Variants in COL25A1 observed in about 807,000 individuals in gnomAD.
COL25A1 encodes collagen type XXV alpha 1 chain.
COL25A1 carries 103 observed loss-of-function variants against 128.4 expected under a neutral mutation model. The ratio of observed to expected loss-of-function variants is 0.80; its 90% CI spans 0.68 to 0.94. The LOEUF is 0.94. COL25A1 is among the 40% of genes least tolerant of loss of function. The pLI, the probability that COL25A1 is intolerant of heterozygous loss-of-function variation, is 0.00. For missense variants in COL25A1, 745 were observed against 840.0 expected, an observed-to-expected ratio of 0.89 and a Z score of 1.40; for synonymous variants, 279 against 277.2, an observed-to-expected ratio of 1.01 and a Z score of -0.06.
At chr4:108,964,533 G>T (rs889290152) in intron 8 of COL25A1, among the ~76,000 whole-genome samples, 1 of 151,824 alleles carries the variant, frequency 6.6e-6, no homozygotes, top group Non-Finnish European at 1.5e-5. Flanking sequence ...CATAATATAG[G>T]TAGAGCCATT....
chr4:108,993,837 G>A (rs550084075), intron 6 of COL25A1, among the ~76,000 whole-genome samples: 6 of 147,532 alleles, frequency 4.1e-5, no homozygotes, highest in Admixed American at 2.7e-4. Context: ...TCCAGCCTGG[G>A]CAGTAAGAGT....
At chr4:108,877,224 C>T (rs1456964646) in intron 19 of COL25A1, among the ~76,000 whole-genome samples, 1 of 152,166 alleles carries the variant, frequency 6.6e-6, no homozygotes, top group Admixed American at 6.5e-5. Context: ...CTTCACATGA[C>T]CAACTACGGA....
chr4:108,866,463 G>C (rs368797658), intron 20 of COL25A1, among the ~76,000 whole-genome samples: 2 of 152,158 alleles, frequency 1.3e-5, no homozygotes, highest in East Asian at 1.9e-4. Context: ...AAAGTGCTGG[G>C]ATTACAGGCG....
intron 3 of COL25A1, among the ~76,000 whole-genome samples, chr4:109,264,635 G>A (rs987123): frequency 0.18 from 27,425 of 152,136 alleles, 4,040 homozygotes; most frequent in African/African-American, 0.39. Context: ...AAGCCTGGGC[G>A]AAGAGCAGAT....
chr4:108,886,480 G>GTTTTTTTTTT (rs1740812579), intron 18 of COL25A1, among the ~76,000 whole-genome samples: 3 of 127,236 alleles, frequency 2.4e-5, no homozygotes, highest in African/African-American at 9.4e-5. Context: ...GTGTGTGTGT[G>GTTTTTTTTTT]TGTGTGTGTG....
At chr4:108,873,096 T>C (rs1364193246) in intron 19 of COL25A1, among the ~76,000 whole-genome samples, 1 of 152,100 alleles carries the variant, frequency 6.6e-6, no homozygotes, top group Non-Finnish European at 1.5e-5. Flanking sequence ...TCTTGCTATG[T>C]TGCCCAGGCT....
chr4:108,848,861 C>T, intron 26 of COL25A1, 58 bp from the exon 27 acceptor site: 2 of 1,308,460 alleles, frequency 1.5e-6, no homozygotes, highest in Non-Finnish European at 2.2e-6. Context: ...TACTGCACTA[C>T]ATAAAAAAAC....
At chr4:108,972,404 A>G (rs1020685795) in intron 8 of COL25A1, among the ~76,000 whole-genome samples, 6 of 152,204 alleles carry the variant, frequency 3.9e-5, no homozygotes, top group Non-Finnish European at 2.9e-5. Context: ...TTTTTGAAAT[A>G]TAGAACCTTC....
At chr4:109,074,532 G>A (rs1168603366) in intron 3 of COL25A1, among the ~76,000 whole-genome samples, 1 of 152,116 alleles carries the variant, frequency 6.6e-6, no homozygotes, top group Non-Finnish European at 1.5e-5. Context: ...GTTAAACAGG[G>A]TTAGCTAATG....
At chr4:109,280,201 C>T (rs1723234573) in intron 3 of COL25A1, among the ~76,000 whole-genome samples, 2 of 152,152 alleles carry the variant, frequency 1.3e-5, no homozygotes, top group South Asian at 4.1e-4. Context: ...GTGTGCATTA[C>T]TATATGTTCA....
At chr4:109,112,196 A>G (rs1767088842) in intron 3 of COL25A1, among the ~76,000 whole-genome samples, 1 of 152,282 alleles carries the variant, frequency 6.6e-6, no homozygotes, top group South Asian at 2.1e-4. Flanking sequence ...CATGGTTAAT[A>G]AACTGTTGTT....
chr4:108,846,032 C>T (rs1735048716), intron 28 of COL25A1, 107 bp downstream of exon 28: 2 of 702,406 alleles, frequency 2.8e-6, no homozygotes, highest in Non-Finnish European at 4.8e-6. Flanking sequence ...TGAGATGAAC[C>T]ACTAGATGAG....
At chr4:108,865,530 T>A (rs962060850) in intron 20 of COL25A1, among the ~76,000 whole-genome samples, 1 of 152,090 alleles carries the variant, frequency 6.6e-6, no homozygotes, top group Non-Finnish European at 1.5e-5. Flanking sequence ...TGAAAAGAGT[T>A]TTTGCTTTTT....
rs1430281682 is a variant in COL25A1 at position 109,190,734 on chromosome 4, C to T, written c.367+109849G>A. Among the ~76,000 whole-genome samples the T allele has an allele frequency of 2.6e-5, 4 of 152,298 alleles. No individual in the cohort carries two copies. The East Asian group carries it at 5.8e-4, about 22-fold the overall frequency. ...GGATGCAATAAGAACTGATCAGTTA[C>T]ACAGAAGAGGCTAAATATTCTAAAG... On this transcript the variant is annotated intron_variant, in intron 3 of 37. Coordinates refer to ENST00000399132, the MANE Select transcript of COL25A1 (RefSeq NM_198721.4).
chr4:108,992,927 T>C (rs780378207), intron 6 of COL25A1, among the ~76,000 whole-genome samples: 2 of 152,166 alleles, frequency 1.3e-5, no homozygotes, highest in Non-Finnish European at 2.9e-5. Context: ...ATAAAAATTA[T>C]ATGCATTTTT....
At chr4:108,940,487 C>T (rs1560900919) in intron 10 of COL25A1, 52 bp downstream of exon 10, 2 of 1,485,978 alleles carry the variant, frequency 1.3e-6, no homozygotes, top group South Asian at 1.1e-5. Flanking sequence ...AGTTCTCAGC[C>T]CTTAACATGA....
intron 29 of COL25A1, 68 bp from the exon 30 acceptor site, chr4:108,844,637 T>G: frequency 1.3e-6 from 2 of 1,562,056 alleles, no homozygotes; most frequent in Non-Finnish European, 1.7e-6. Context: ...ACTTGAATCT[T>G]GTGCTGGGGT....
intron 16 of COL25A1, among the ~76,000 whole-genome samples, chr4:108,891,455 T>A (rs539510649): frequency 1.9e-4 from 29 of 152,312 alleles, no homozygotes; most frequent in African/African-American, 7.0e-4. Flanking sequence ...AAAGAATATT[T>A]ATTTCTAGTA....
chr4:109,248,103 G>A (rs1397733480), intron 3 of COL25A1, among the ~76,000 whole-genome samples: 6 of 151,806 alleles, frequency 4.0e-5, no homozygotes, highest in Non-Finnish European at 8.8e-5. Context: ...CCTATATAAT[G>A]TATTGCTATA....
Sources: gnomAD v4.1 joint callset for allele counts (sites outside exome capture counted in the v4.1 genomes callset) on GRCh38, gnomAD v4.1.1 for gene constraint, MANE v1.5 for transcripts, NCBI Gene and HGNC (gene_info 2026-07-23, HGNC 2026-07-21) for gene names.